Variants in CADM2 observed in about 807,000 individuals in gnomAD.
CADM2 encodes immunoglobulin superfamily member 4D.
A neutral mutation model predicts 49.8 loss-of-function variants in CADM2; 12 were observed. That is an observed-to-expected ratio of 0.24 (90% CI 0.15 to 0.39). The LOEUF is 0.39. CADM2 is among the 10% of genes least tolerant of loss of function. The pLI is 1.00. For missense variants in CADM2, 378 were observed against 492.3 expected, an observed-to-expected ratio of 0.77 and a Z score of 2.20; for synonymous variants, 214 against 175.4, an observed-to-expected ratio of 1.22 and a Z score of -1.74.
At chr3:85,126,611 C>A (rs974530763) in intron 1 of CADM2, among the ~76,000 whole-genome samples, 1 of 152,000 alleles carries the variant, frequency 6.6e-6, no homozygotes, top group Non-Finnish European at 1.5e-5. Context: ...TAAGTTTTAA[C>A]CATATCTGGC....
At chr3:85,959,939 T>C (rs566366789) in intron 7 of CADM2, among the ~76,000 whole-genome samples, 245 of 152,038 alleles carry the variant, frequency 1.6e-3, no homozygotes, top group African/African-American at 5.3e-3. Context: ...AGCATATGAC[T>C]GTATAAACGT....
At chr3:85,054,953 C>T (rs1037828323) in intron 1 of CADM2, among the ~76,000 whole-genome samples, 4 of 151,868 alleles carry the variant, frequency 2.6e-5, no homozygotes, top group Non-Finnish European at 4.4e-5. Context: ...ATGACTACCA[C>T]AGCATGCAGT....
chr3:85,402,301 GA>G lies in CADM2; in HGVS notation c.62-324220del, dbSNP rs1166519653. Among the ~76,000 whole-genome samples, 9 of 151,896 alleles carry G rather than the reference GA, an allele frequency of 5.9e-5. No individual in the cohort carries two copies. In the South Asian group the frequency reaches 1.9e-3, roughly 32 times the overall value. On this transcript the variant is annotated intron_variant, in intron 1 of 9. Coordinates refer to ENST00000383699, the MANE Select transcript of CADM2 (RefSeq NM_001167675.2). ...CATAATAGTATTTTTTTAGTAGGTA[GA>G]TTTTTTTAAATATATAAGTTCTATT...
At chr3:85,225,856 A>C (rs2042148136) in intron 1 of CADM2, among the ~76,000 whole-genome samples, 1 of 152,120 alleles carries the variant, frequency 6.6e-6, no homozygotes, top group Admixed American at 6.5e-5. Context: ...CTATTGAGTT[A>C]ATCATGTGGT....
At chr3:85,150,900 C>T (rs563165410) in intron 1 of CADM2, among the ~76,000 whole-genome samples, 36 of 148,992 alleles carry the variant, frequency 2.4e-4, no homozygotes, top group Admixed American at 5.3e-4. Context: ...CAATGCGAGA[C>T]GCTGTTTCAA....
intron 1 of CADM2, among the ~76,000 whole-genome samples, chr3:84,987,047 C>T (rs577626881): frequency 6.6e-6 from 1 of 151,804 alleles, no homozygotes; most frequent in South Asian, 2.1e-4. Flanking sequence ...AGCGAAACTC[C>T]GTCTCAAAAA....
At chr3:84,978,999 T>TC (rs539580927) in intron 1 of CADM2, among the ~76,000 whole-genome samples, 1,785 of 152,154 alleles carry the variant, frequency 0.012, 16 homozygotes, top group Non-Finnish European at 0.019. Context: ...TGCCATTGGC[T>TC]CCCCCCATCA....
At chr3:85,692,139 T>A (rs1222014534) in intron 1 of CADM2, among the ~76,000 whole-genome samples, 1 of 151,784 alleles carries the variant, frequency 6.6e-6, no homozygotes, top group Non-Finnish European at 1.5e-5. Flanking sequence ...AAAATAAAAT[T>A]AAATTAAAAA....
chr3:85,094,907 A>T (rs1465725177), intron 1 of CADM2, among the ~76,000 whole-genome samples: 1 of 152,134 alleles, frequency 6.6e-6, no homozygotes, highest in Non-Finnish European at 1.5e-5. Context: ...ATGTTTTTAA[A>T]ATCAGATATT....
At chr3:85,969,765 C>CA (rs1725886780) in intron 8 of CADM2, among the ~76,000 whole-genome samples, 1 of 151,114 alleles carries the variant, frequency 6.6e-6, no homozygotes, top group African/African-American at 2.4e-5. Flanking sequence ...GCTCTTAGAA[C>CA]AGGGTCTTCT....
chr3:85,600,940 A>C (rs2063372794), intron 1 of CADM2, among the ~76,000 whole-genome samples: 1 of 150,922 alleles, frequency 6.6e-6, no homozygotes, highest in African/African-American at 2.4e-5. Context: ...AGTTCTACAG[A>C]TATGATCATT....
intron 8 of CADM2, among the ~76,000 whole-genome samples, chr3:86,011,883 A>T (rs1387257059): frequency 2.6e-5 from 4 of 152,152 alleles, no homozygotes; most frequent in Non-Finnish European, 4.4e-5. Context: ...AAAAATATAT[A>T]AAAAACCTTA....
chr3:85,209,314 C>G (rs2107763959), intron 1 of CADM2, among the ~76,000 whole-genome samples: 1 of 152,122 alleles, frequency 6.6e-6, no homozygotes, highest in South Asian at 2.1e-4. Flanking sequence ...GTGCTAAGTG[C>G]TTTGTGTGCA....
chr3:85,654,644 A>T (rs1416876432), intron 1 of CADM2, among the ~76,000 whole-genome samples: 1 of 152,210 alleles, frequency 6.6e-6, no homozygotes, highest in Non-Finnish European at 1.5e-5. Context: ...TCTGTATAGG[A>T]GTAACAACCC....
rs1409655539 is a variant in CADM2, at chr3:85,202,884, C to T, written c.61+243216C>T. On this transcript the variant is annotated intron_variant, in intron 1 of 9. Coordinates refer to ENST00000383699, the MANE Select transcript of CADM2 (RefSeq NM_001167675.2). ...TCTGTATAACTTCTTGTAGCTTCTA[C>T]ACCAGCATTGGCTGCTTCACCTAGC... 2.0e-5 allele frequency among the ~76,000 whole-genome samples: 3 copies of T among 152,216 alleles called. 1 individual carries two copies. In the East Asian group the frequency reaches 5.8e-4, roughly 29 times the overall value.
At chr3:85,534,355 A>T (rs2061381879) in intron 1 of CADM2, among the ~76,000 whole-genome samples, 1 of 152,112 alleles carries the variant, frequency 6.6e-6, no homozygotes, top group Non-Finnish European at 1.5e-5. Flanking sequence ...TTAAATATCC[A>T]CCTCCTCATT....
At position 85,438,862 on chromosome 3, in the gene CADM2, ATT is replaced by A. The variant is rs543843081; in HGVS notation, c.62-287655_62-287654del. 2.0e-5 allele frequency among the ~76,000 whole-genome samples: 3 copies of A among 151,944 alleles called. No individual in the cohort carries two copies. The East Asian group carries it at 5.8e-4, about 29-fold the overall frequency. ...TAATATTTATTTATTTATTATTTAT[ATT>A]TTTTGTAGAAATAGGCTCTCACTAT... On this transcript the variant is annotated intron_variant, in intron 1 of 9. Transcript: ENST00000383699.
intron 1 of CADM2, among the ~76,000 whole-genome samples, chr3:85,300,084 C>T (rs1430794877): frequency 6.6e-6 from 1 of 152,018 alleles, no homozygotes; most frequent in Non-Finnish European, 1.5e-5. Flanking sequence ...TGAGTGATGG[C>T]TGTTTAACCG....
At chr3:85,647,753 C>A (rs527311290) in intron 1 of CADM2, among the ~76,000 whole-genome samples, 2 of 151,590 alleles carry the variant, frequency 1.3e-5, no homozygotes, top group African/African-American at 4.8e-5. Flanking sequence ...ATTTTTGTGA[C>A]CCCTACCCCT....
Sources: allele counts gnomAD v4.1 joint callset (sites outside exome capture counted in the v4.1 genomes callset), GRCh38; gene constraint gnomAD v4.1.1; transcripts MANE v1.5; gene names NCBI Gene and HGNC (gene_info 2026-07-23, HGNC 2026-07-21).